The following TCTN2 variants were observed in gnomAD, a reference collection of about 807,000 sequenced individuals.
TCTN2 encodes tectonic family member 2, also known as tectonic-2.
A neutral mutation model predicts 83.4 loss-of-function variants in TCTN2; 66 were observed. The observed-to-expected ratio is 0.79, with a 90% CI of 0.65 to 0.97. The LOEUF (loss-of-function observed/expected upper bound fraction) is 0.97, where lower values mean the gene tolerates loss of function less well. Ranked by LOEUF, TCTN2 falls within the 50% of genes least tolerant of loss-of-function variation. The pLI, the probability that TCTN2 is intolerant of heterozygous loss-of-function variation, is 0.00. For missense variants in TCTN2, 794 were observed against 858.1 expected, an observed-to-expected ratio of 0.93 and a Z score of 0.93; for synonymous variants, 301 against 326.7, an observed-to-expected ratio of 0.92 and a Z score of 0.85.
At chr12:123,700,290 ATTACAGGCATGAGC>A (rs552477293) in intron 14 of TCTN2, 2 of 275,460 alleles carry the variant, frequency 7.3e-6, no homozygotes, top group East Asian at 1.9e-4. Context: ...CCATGTTGGG[ATTACAGGCATGAGC>A]CATTGCGCCT....
intron 5 of TCTN2, among the ~76,000 whole-genome samples, chr12:123,680,074 TG>T (rs1333871638): frequency 2.6e-5 from 4 of 151,788 alleles, no homozygotes; most frequent in African/African-American, 9.7e-5. Context: ...AAAATTTTGG[TG>T]GGCGCAGTGG....
Position 123,696,455 on chromosome 12 carries a change from C to T in TCTN2, c.1353C>T (p.Asn451=), listed in dbSNP as rs1956110398. Residue 451 remains asparagine, a synonymous_variant, in exon 12 of 18, where the codon AAC becomes AAT. Coordinates refer to ENST00000303372, the MANE Select transcript of TCTN2 (RefSeq NM_024809.5). ...LGKPVRALNI[N]RMNNVTTLHL... ...AGCCTGTCCGAGCTCTAAATATCAA[C>T]AGGATGAATAATGTCACGACTTTAC... The T allele has an allele frequency of 6.2e-6, 10 of 1,614,168 alleles. No homozygotes were observed. In the East Asian group the frequency reaches 1.1e-4, roughly 18 times the overall value.
At chr12:123,692,084 G>T (rs756318677) in intron 8 of TCTN2, among the ~76,000 whole-genome samples, 1 of 152,058 alleles carries the variant, frequency 6.6e-6, no homozygotes, top group Admixed American at 6.6e-5. Flanking sequence ...TAGTAGAGAC[G>T]AAGTTTAGTA....
In TCTN2 at chr12:123,673,675, A is replaced by G. The variant is rs760726113; in HGVS notation, c.328A>G (p.Thr110Ala). ...RGLDWCSSNETDSFSESPCIL... is the reference protein window; with the variant it reads ...RGLDWCSSNEADSFSESPCIL... The stretch of plus-strand genomic sequence containing the variant: ...TCTGGACTGGTGTTCCTCCAATGAG[A>G]CAGATTCCTTCTCAGAGTCCCCCTG... The change falls in exon 4 of 18, where the codon ACA becomes GCA. Residue 110 changes from threonine (T) to alanine (A), a missense_variant. By Grantham distance (58) the Thr-to-Ala change is moderately conservative (BLOSUM62 0). Coordinates refer to ENST00000303372, the MANE Select transcript of TCTN2 (RefSeq NM_024809.5). The G allele has an allele frequency of 1.2e-6, 2 of 1,614,210 alleles. No homozygotes were observed. The highest frequency in any genetic ancestry group is 3.3e-5 in the Admixed American group (2 of 60,016).
chr12:123,697,241 T>G, intron 13 of TCTN2, 43 bp downstream of exon 13: 1 of 1,391,494 alleles, frequency 7.2e-7, no homozygotes, highest in Non-Finnish European at 1.0e-6. Flanking sequence ...GTGAATGGTT[T>G]GCCTAGAATT....
chr12:123,689,085 A>G (rs1247935504), intron 7 of TCTN2, among the ~76,000 whole-genome samples: 1 of 151,310 alleles, frequency 6.6e-6, no homozygotes, highest in Non-Finnish European at 1.5e-5. Flanking sequence ...GGTTTGAGAC[A>G]TAGTCTTGCT....
intron 14 of TCTN2, among the ~76,000 whole-genome samples, chr12:123,702,902 C>A (rs528871790): frequency 6.6e-6 from 1 of 152,280 alleles, no homozygotes; most frequent in Non-Finnish European, 1.5e-5. Context: ...GGTGTTGACA[C>A]ATGTATAAGG....
intron 5 of TCTN2, among the ~76,000 whole-genome samples, chr12:123,686,402 G>A (rs1955967986): frequency 6.6e-6 from 1 of 152,138 alleles, no homozygotes; most frequent in Non-Finnish European, 1.5e-5. Flanking sequence ...GTGAGGGCCT[G>A]GAGGATCCTT....
chr12:123,699,961 C>A, intron 14 of TCTN2, 151 bp downstream of exon 14: 1 of 706,540 alleles, frequency 1.4e-6, no homozygotes, highest in Admixed American at 2.1e-5. Flanking sequence ...GATCTCCAGG[C>A]AGGAAACTTG....
At position 123,687,580 on chromosome 12, in the gene TCTN2, C is replaced by A. The variant is rs144861830; in HGVS notation, c.765-471C>A. 3.6e-3 allele frequency among the ~76,000 whole-genome samples: 549 copies of A among 152,218 alleles called. 3 individuals carry two copies. Among genetic ancestry groups the A allele is most frequent in the African/African-American group, 0.012 (507 of 41,530 alleles). ...GCTGAGGCAGGAGAATGGCCTGAACCCGGGCGGCGGAGCTTGAGCTGAGAT... is the reference window on the plus strand; with the variant it reads ...GCTGAGGCAGGAGAATGGCCTGAACACGGGCGGCGGAGCTTGAGCTGAGAT... On this transcript the variant is annotated intron_variant, in intron 6 of 17. Coordinates refer to ENST00000303372, the MANE Select transcript of TCTN2 (RefSeq NM_024809.5).
At chr12:123,696,035 G>A (rs759836459) in intron 11 of TCTN2, 2 of 272,820 alleles carry the variant, frequency 7.3e-6, no homozygotes, top group African/African-American at 2.3e-5. Flanking sequence ...GTAGAGATGA[G>A]GTTTTGCCAT....
chr12:123,700,036 G>A (rs1210361504), intron 14 of TCTN2: 1 of 596,242 alleles, frequency 1.7e-6, no homozygotes, highest in African/African-American at 1.9e-5. Context: ...TTTTGAGACA[G>A]GGTTTCATTC....
rs1299672825 is a variant in TCTN2, at chr12:123,679,194, G to A, written c.469G>A (p.Val157Met). ...CTGTTGTGTGTACTTTTCAGAGAAC[G>A]TGACTGTCATTCCTAACCAGGTGTA... ...SSLTHNASEN[V>M]TVIPNQVYQP... is the part of the protein sequence containing the mutation. Residue 157 changes from valine to methionine, a missense_variant, in exon 5 of 18, where the codon GTG becomes ATG. Physicochemically the swap from Val to Met is conservative, Grantham distance 21 (BLOSUM62 1). Coordinates refer to ENST00000303372, the MANE Select transcript of TCTN2 (RefSeq NM_024809.5). The A allele has an allele frequency of 6.2e-6, 10 of 1,613,226 alleles. No homozygotes were observed. Among genetic ancestry groups the A allele is most frequent in the Non-Finnish European group, 5.9e-6 (7 of 1,179,336 alleles).
In TCTN2 at chr12:123,673,776, T is replaced by C. The variant is rs188417716; in HGVS notation, c.429T>C (p.Ile143=). 6.8e-6 allele frequency: 11 copies of C among 1,614,176 alleles called. No homozygotes were observed. In the Admixed American group the frequency reaches 1.8e-4, roughly 27 times the overall value. Residue 143 remains isoleucine, a synonymous_variant, in exon 4 of 18, where the codon ATT becomes ATC. Coordinates refer to ENST00000303372, the MANE Select transcript of TCTN2 (RefSeq NM_024809.5). ...CACATCTACTCATTCAAGTGGAAAT[T>C]TATGCCAACTCTTCTCTGACCCATA... ...CSAHLLIQVE[I]YANSSLTHNA... is the part of the protein sequence containing the mutation.
At chr12:123,686,425 A>C (rs1171915719) in intron 5 of TCTN2, among the ~76,000 whole-genome samples, 1 of 152,222 alleles carries the variant, frequency 6.6e-6, no homozygotes, top group Non-Finnish European at 1.5e-5. Context: ...GGAATATGGA[A>C]CGTTTCCCCT....
Position 123,699,770 on chromosome 12 carries a change from C to T in TCTN2, c.1572C>T (p.Ser524=), listed in dbSNP as rs367689968. The T allele has an allele frequency of 1.1e-4, 177 of 1,614,018 alleles. No individual in the cohort carries two copies. The highest frequency in any genetic ancestry group is 1.3e-4 in the Non-Finnish European group (155 of 1,180,022). Residue 524 remains serine (S), a synonymous_variant, in exon 14 of 18, where the codon TCC becomes TCT. Coordinates refer to ENST00000303372, the MANE Select transcript of TCTN2 (RefSeq NM_024809.5). ...CTCACGTTGCAATGAGAGGCAACTCCGATTACGCTGATCTTAGTGATGGCT... is the reference window on the plus strand; with the variant it reads ...CTCACGTTGCAATGAGAGGCAACTCTGATTACGCTGATCTTAGTGATGGCT... ...QATHVAMRGN[S]DYADLSDGWL... is the part of the protein sequence containing the mutation.
rs1212468832 is a variant in TCTN2 at position 123,671,149 on chromosome 12, G to C, written c.-92G>C. On this transcript the variant is annotated 5_prime_UTR_variant, in exon 1 of 18. Coordinates refer to ENST00000303372, the MANE Select transcript of TCTN2 (RefSeq NM_024809.5). ...CGTTCGCTTGCAAGATGGCGGCGGC[G>C]GGGCAGTGGCTGCTGCGTTTTCGTG... 2 of 1,249,662 alleles carry C rather than the reference G, an allele frequency of 1.6e-6. No individual in the cohort carries two copies. The highest frequency in any genetic ancestry group is 3.9e-5 in the Admixed American group (2 of 50,750). 77.4% of individuals were successfully genotyped at this position (1,249,662 alleles called of 1,614,324 possible).
At chr12:123,679,961 G>C (rs1250540608) in intron 5 of TCTN2, among the ~76,000 whole-genome samples, 1 of 150,572 alleles carries the variant, frequency 6.6e-6, no homozygotes, top group Non-Finnish European at 1.5e-5. Flanking sequence ...GGATGGTCTT[G>C]ATCTCCTGAC....
chr12:123,695,031 T>C, intron 10 of TCTN2, 55 bp downstream of exon 10: 2 of 1,601,872 alleles, frequency 1.2e-6, no homozygotes, highest in Admixed American at 3.4e-5. Flanking sequence ...TTTTTTTTCC[T>C]CTTTTCAAGA....
Sources: allele counts gnomAD v4.1 joint callset (sites outside exome capture counted in the v4.1 genomes callset), GRCh38; gene constraint gnomAD v4.1.1; transcripts MANE v1.5; gene names NCBI Gene and HGNC (gene_info 2026-07-23, HGNC 2026-07-21).